Variants in NCOA2 observed in about 807,000 individuals in gnomAD.
NCOA2 encodes nuclear receptor coactivator 2.
NCOA2 carries 21 observed loss-of-function variants against 145.1 expected under a neutral mutation model. That is an observed-to-expected ratio of 0.14 (90% CI 0.10 to 0.21). The LOEUF (loss-of-function observed/expected upper bound fraction) is 0.21. NCOA2 is among the 10% of genes least tolerant of loss of function. NCOA2 has a pLI of 1.00. For synonymous variants in NCOA2, 619 were observed against 637.5 expected (o/e 0.97, Z 0.44); for missense variants, 1,472 against 1,837.6 (o/e 0.80, Z 3.64).
the NCOA2 span, among the ~76,000 whole-genome samples, chr8:70,423,459 G>T: frequency 6.6e-6 from 1 of 152,128 alleles, no homozygotes; most frequent in Non-Finnish European, 1.5e-5. Context: ...CTGGGATTGA[G>T]CCACCGCGCC....
chr8:70,182,195 G>A (rs559437091), intron 4 of NCOA2, among the ~76,000 whole-genome samples: 18 of 152,300 alleles, frequency 1.2e-4, no homozygotes, highest in Non-Finnish European at 2.1e-4. Flanking sequence ...TATTAAAAGC[G>A]CGCAGCTGCA....
chr8:70,223,744 G>T (rs1820365456), intron 2 of NCOA2, among the ~76,000 whole-genome samples: 1 of 152,148 alleles, frequency 6.6e-6, no homozygotes, highest in East Asian at 1.9e-4. Context: ...AGGTACACGA[G>T]AAATAAAGTA....
chr8:70,165,656 T>C (rs950989435), intron 7 of NCOA2, among the ~76,000 whole-genome samples: 1 of 152,218 alleles, frequency 6.6e-6, no homozygotes, highest in Non-Finnish European at 1.5e-5. Context: ...AACAGCCTAA[T>C]AAGCTTAGAG....
At position 70,127,667 on chromosome 8, in the gene NCOA2, C is replaced by T. The variant is rs117614801; in HGVS notation, c.3682-620G>A. Among the ~76,000 whole-genome samples, 284 of 152,286 alleles carry T rather than the reference C, an allele frequency of 1.9e-3. 1 individual carries two copies. The highest frequency in any genetic ancestry group is 3.2e-3 in the Non-Finnish European group (218 of 68,030). On this transcript the variant is annotated intron_variant, in intron 18 of 22. Transcript: ENST00000452400. ...TATCGTTGATCCTCATTTATGAATT[C>T]CACATTTCTGAAGTTGCCTACTCAG...
At position 70,351,116 on chromosome 8, in the gene NCOA2, G is replaced by C. The variant is rs556342832; in HGVS notation, c.-77+52584C>G. On this transcript the variant is annotated intron_variant, in intron 1 of 22. Transcript: ENST00000452400. ...AATAATGACATTAATCCAGTCATGA[G>C]AGCAGAGCCCTCACGGCTTAATCAC... Among the ~76,000 whole-genome samples, 12 of 152,290 alleles carry C rather than the reference G, an allele frequency of 7.9e-5. No individual in the cohort carries two copies. The South Asian group carries it at 2.5e-3, about 32-fold the overall frequency.
At chr8:70,145,150 TTC>T (rs147559333) in intron 12 of NCOA2, among the ~76,000 whole-genome samples, 15 of 151,666 alleles carry the variant, frequency 9.9e-5, no homozygotes, top group East Asian at 3.9e-4. Context: ...CATTCATTCA[TTC>T]TCTCTCTCTC....
intron 10 of NCOA2, 121 bp downstream of exon 10, chr8:70,159,384 T>C (rs976567386): frequency 2.6e-5 from 23 of 900,966 alleles, no homozygotes; most frequent in Non-Finnish European, 3.2e-5. Context: ...ATATTTTACA[T>C]TACTGGGATT....
chr8:70,195,313 A>G (rs1817172395), intron 4 of NCOA2, among the ~76,000 whole-genome samples: 1 of 152,208 alleles, frequency 6.6e-6, no homozygotes, highest in Non-Finnish European at 1.5e-5. Context: ...AAAAGTGAAT[A>G]TTTACATAGA....
chr8:70,292,946 T>A (rs1826806686), intron 2 of NCOA2, among the ~76,000 whole-genome samples: 1 of 152,208 alleles, frequency 6.6e-6, no homozygotes. Context: ...AGTTCAGTAG[T>A]CCGTTCTGCG....
upstream of NCOA2, among the ~76,000 whole-genome samples, chr8:70,405,795 C>T (rs1388015832): frequency 1.3e-5 from 2 of 152,166 alleles, no homozygotes; most frequent in Non-Finnish European, 2.9e-5. Context: ...TTTAAAACTA[C>T]CCATGATACC....
At chr8:70,178,804 G>A (rs1417857425) in intron 4 of NCOA2, among the ~76,000 whole-genome samples, 1 of 152,198 alleles carries the variant, frequency 6.6e-6, no homozygotes, top group East Asian at 1.9e-4. Context: ...GAAAACAGGT[G>A]GAGACGGATG....
intron 2 of NCOA2, among the ~76,000 whole-genome samples, chr8:70,250,410 A>C (rs1417446092): frequency 6.8e-6 from 1 of 147,980 alleles, no homozygotes; most frequent in African/African-American, 2.6e-5. Context: ...AAAAAAAAAA[A>C]AAAAAAAAAA....
At chr8:70,227,737 G>A (rs956331257) in intron 2 of NCOA2, among the ~76,000 whole-genome samples, 11 of 152,130 alleles carry the variant, frequency 7.2e-5, no homozygotes, top group Admixed American at 2.6e-4. Flanking sequence ...AAATTAGGCC[G>A]GGTGCAGTGG....
chr8:70,266,047 G>A (rs1161825790), intron 2 of NCOA2, among the ~76,000 whole-genome samples: 1 of 152,188 alleles, frequency 6.6e-6, no homozygotes, highest in Non-Finnish European at 1.5e-5. Context: ...CTGCTCAGGA[G>A]GCTGAGGCAG....
At chr8:70,187,184 C>T (rs1816171513) in intron 4 of NCOA2, among the ~76,000 whole-genome samples, 1 of 152,176 alleles carries the variant, frequency 6.6e-6, no homozygotes, top group Non-Finnish European at 1.5e-5. Flanking sequence ...TGCTGCAAAG[C>T]CCAGCACAAG....
chr8:70,368,960 TAA>T (rs1810971288), intron 1 of NCOA2, among the ~76,000 whole-genome samples: 1 of 152,030 alleles, frequency 6.6e-6, no homozygotes, highest in African/African-American at 2.4e-5. Flanking sequence ...ACTAAAATAT[TAA>T]GAGTTATTAA....
At chr8:70,367,863 A>G (rs966823313) in intron 1 of NCOA2, among the ~76,000 whole-genome samples, 1 of 152,226 alleles carries the variant, frequency 6.6e-6, no homozygotes, top group Admixed American at 6.5e-5. Flanking sequence ...TCAACTATAA[A>G]TGACAACCTT....
chr8:70,371,471 A>G (rs983579370), intron 1 of NCOA2, among the ~76,000 whole-genome samples: 1 of 152,212 alleles, frequency 6.6e-6, no homozygotes, highest in Non-Finnish European at 1.5e-5. Flanking sequence ...TAACACAGAG[A>G]CATCAAATTT....
chr8:70,272,539 CT>C (rs1825131158), intron 2 of NCOA2, among the ~76,000 whole-genome samples: 1 of 152,118 alleles, frequency 6.6e-6, no homozygotes, highest in Non-Finnish European at 1.5e-5. Context: ...ACAGCAGTCT[CT>C]TAACTGATTG....
Sources: allele counts gnomAD v4.1 joint callset (sites outside exome capture counted in the v4.1 genomes callset), GRCh38; gene constraint gnomAD v4.1.1; transcripts MANE v1.5; gene names NCBI Gene and HGNC (gene_info 2026-07-23, HGNC 2026-07-21).